IMPDH2: variants seen among roughly 807,000 people sequenced by gnomAD.
The protein encoded by IMPDH2 is inosine monophosphate dehydrogenase 2.
In IMPDH2, 33 loss-of-function variants were observed where a neutral mutation model predicts 57.8. The observed-to-expected ratio is 0.57, with a 90% CI of 0.43 to 0.76. IMPDH2 has a LOEUF of 0.76. Ranked by LOEUF, IMPDH2 falls within the 30% of genes least tolerant of loss-of-function variation. The pLI is 0.00. For missense variants in IMPDH2, 446 were observed against 659.1 expected, an observed-to-expected ratio of 0.68 and a Z score of 3.54; for synonymous variants, 270 against 241.3, an observed-to-expected ratio of 1.12 and a Z score of -1.10.
chr3:49,027,207 G>A (rs1424833297), intron 5 of IMPDH2, among the ~76,000 whole-genome samples, 160 bp from the exon 6 acceptor site: 1 of 152,140 alleles, frequency 6.6e-6, no homozygotes, highest in Admixed American at 6.5e-5. Context: ...TGTTGGCCAG[G>A]CTGGTCTCAA....
chr3:49,028,367 C>T (rs1337630428), intron 3 of IMPDH2, 45 bp from the exon 4 acceptor site: 1 of 1,607,952 alleles, frequency 6.2e-7, no homozygotes, highest in Non-Finnish European at 8.5e-7. Flanking sequence ...AGAAGCAGGA[C>T]TGAATGCCTT....
chr3:49,028,626 G>A (rs1559917588), intron 2 of IMPDH2, 94 bp from the exon 3 acceptor site: 4 of 1,295,560 alleles, frequency 3.1e-6, no homozygotes, highest in Admixed American at 1.7e-5. Flanking sequence ...TGTATGACCT[G>A]CATGCTAACA....
chr3:49,024,872 G>A (rs2106782031), intron 11 of IMPDH2, 24 bp downstream of exon 11: 1 of 1,614,210 alleles, frequency 6.2e-7, no homozygotes, highest in South Asian at 1.1e-5. Flanking sequence ...GATTAGGGTG[G>A]GGTAACTGGC....
chr3:49,028,906 A>G, intron 1 of IMPDH2, 100 bp from the exon 2 acceptor site: 2 of 938,520 alleles, frequency 2.1e-6, no homozygotes, highest in Non-Finnish European at 3.4e-6. Flanking sequence ...ATGTGAGCAG[A>G]GAGTGGCACT....
At position 49,025,210 on chromosome 3, in the gene IMPDH2, G is replaced by A; in HGVS notation, c.1066C>T (p.Arg356Cys). The A allele has an allele frequency of 6.2e-7, 1 of 1,614,214 alleles. No individual in the cohort carries two copies. The highest frequency in any genetic ancestry group is 8.5e-7 in the Non-Finnish European group (1 of 1,180,016). ...AVYKVSEYARRFGVPVIADGG... is the reference protein window; with the variant it reads ...AVYKVSEYARCFGVPVIADGG... ...TCAGCAATGACCGGAACACCAAAGC[G>A]CCGTGCATACTCTGACACCTTGTAC... The change falls in exon 10 of 14, where the codon CGC becomes TGC. Residue 356 changes from arginine (R) to cysteine (C), a missense_variant. Coordinates refer to ENST00000326739, the MANE Select transcript of IMPDH2 (RefSeq NM_000884.3).
At chr3:49,026,244 C>T in intron 9 of IMPDH2, 80 bp downstream of exon 9, 1 of 1,069,752 alleles carries the variant, frequency 9.3e-7, no homozygotes, top group Non-Finnish European at 1.4e-6. Flanking sequence ...GCTCTATTGT[C>T]CCCATAAGAG....
At chr3:49,028,971 C>A (rs938018837) in intron 1 of IMPDH2, 165 bp from the exon 2 acceptor site, 6 of 680,282 alleles carry the variant, frequency 8.8e-6, no homozygotes, top group Admixed American at 2.1e-5. Context: ...TACAGGGGAC[C>A]TTTTCTGCCA....
chr3:49,026,486 CCA>C lies in IMPDH2; in HGVS notation c.910+31_910+32del, dbSNP rs1575309901. ...TGGGAGCCCAGCTTACCCACTCCCACCACACATCCTTCAGGGCACAATCTTGC... is the reference window on the plus strand; with the variant it reads ...TGGGAGCCCAGCTTACCCACTCCCACCACATCCTTCAGGGCACAATCTTGC... On this transcript the variant is annotated intron_variant, in intron 8 of 13. Coordinates refer to ENST00000326739, the MANE Select transcript of IMPDH2 (RefSeq NM_000884.3). 4.4e-6 allele frequency: 7 copies of C among 1,603,576 alleles called. No individual in the cohort carries two copies. The East Asian group carries it at 1.3e-4, about 31-fold the overall frequency.
chr3:49,028,661 C>G, intron 2 of IMPDH2, 97 bp downstream of exon 2: 1 of 1,370,066 alleles, frequency 7.3e-7, no homozygotes, highest in Non-Finnish European at 1.0e-6. Context: ...ATAAAATCCA[C>G]CCCCAAGCCC....
In IMPDH2 at chr3:49,027,059, G is replaced by C; in HGVS notation, c.532-12C>G. On this transcript the variant is annotated splice_polypyrimidine_tract_variant and intron_variant, in intron 5 of 13. Coordinates refer to ENST00000326739, the MANE Select transcript of IMPDH2 (RefSeq NM_000884.3). ...CTCTTTGTCATTATCTACGTGGGAG[G>C]TGAGATGTGAAGAAGGGCCAGTCAT... 6.3e-7 allele frequency: 1 copy of C among 1,594,332 alleles called. No homozygotes were observed. The highest frequency in any genetic ancestry group is 1.3e-5 in the African/African-American group (1 of 74,632).
At chr3:49,025,458 C>G (rs571457838) in intron 9 of IMPDH2, 189 bp from the exon 10 acceptor site, 3 of 631,756 alleles carry the variant, frequency 4.7e-6, no homozygotes, top group Non-Finnish European at 8.4e-6. Flanking sequence ...CTGTGCTGAC[C>G]TCTACTCACC....
Position 49,025,109 on chromosome 3 carries a change from C to A in IMPDH2, c.1150+17G>T. The A allele has an allele frequency of 1.9e-6, 3 of 1,614,216 alleles. No homozygotes were observed. The highest frequency in any genetic ancestry group is 2.5e-6 in the Non-Finnish European group (3 of 1,180,036). On this transcript the variant is annotated intron_variant, in intron 10 of 13. Coordinates refer to ENST00000326739, the MANE Select transcript of IMPDH2 (RefSeq NM_000884.3). ...AGGGAGGGGGTCCCACTGGCCTTCA[C>A]GGGTACTGGGCCTCACCTGTGGAGG...
chr3:49,028,630 G>T, intron 2 of IMPDH2, 98 bp from the exon 3 acceptor site: 2 of 1,298,296 alleles, frequency 1.5e-6, no homozygotes, highest in South Asian at 1.2e-5. Flanking sequence ...TGACCTGCAT[G>T]CTAACAAGCA....
chr3:49,026,034 G>A (rs758302896), intron 9 of IMPDH2: 1 of 531,538 alleles, frequency 1.9e-6, no homozygotes, highest in South Asian at 1.5e-5. Context: ...TTGGGGCTGT[G>A]GGACTTTATG....
Position 49,025,159 on chromosome 3 carries a change from T to C in IMPDH2, c.1117A>G (p.Ile373Val), listed in dbSNP as rs764002692. Residue 373 changes from isoleucine to valine, a missense_variant, in exon 10 of 14, where the codon ATT becomes GTT. By Grantham distance (29) the Ile-to-Val change is conservative. Coordinates refer to ENST00000326739, the MANE Select transcript of IMPDH2 (RefSeq NM_000884.3). ...GCCCCAAGGGCCAAGGCTTTCGCAA[T>C]ATGACCCACATTTTGGATTCCTCCA... ...ADGGIQNVGHIAKALALGAST... is the reference protein window; with the variant it reads ...ADGGIQNVGHVAKALALGAST... The C allele has an allele frequency of 6.2e-7, 1 of 1,614,182 alleles. No individual in the cohort carries two copies. The highest frequency in any genetic ancestry group is 1.1e-5 in the South Asian group (1 of 91,088).
chr3:49,027,737 C>CTCTT lies in IMPDH2; in HGVS notation c.500_503dup (p.Glu169ArgfsTer5). On this transcript the variant is annotated frameshift_variant, in exon 5 of 14. Transcript: ENST00000326739. LOFTEE classifies it high-confidence loss of function. ...CTTCCAAGAAACAGTCATGTTCCTC[C>CTCTT]TCTTTGAGAAAATCAATGTCCCTGG... 1 of 1,614,198 alleles carries CTCTT rather than the reference C, an allele frequency of 6.2e-7. No individual in the cohort carries two copies. The highest frequency in any genetic ancestry group is 1.3e-5 in the African/African-American group (1 of 75,048).
chr3:49,029,152 C>CCCCACG (rs1228337020), intron 1 of IMPDH2, 101 bp downstream of exon 1: 2 of 963,446 alleles, frequency 2.1e-6, no homozygotes, highest in African/African-American at 3.2e-5. Flanking sequence ...GAAACCTGTC[C>CCCCACG]CCCACGCCCA....
intron 1 of IMPDH2, 35 bp from the exon 2 acceptor site, chr3:49,028,841 C>G (rs758152034): frequency 2.0e-5 from 31 of 1,577,124 alleles, no homozygotes; most frequent in Admixed American, 8.4e-5. Context: ...GAGTAAAGCT[C>G]TCAGCTTAGG....
At chr3:49,029,023 G>C in intron 1 of IMPDH2, 1 of 645,922 alleles carries the variant, frequency 1.5e-6, no homozygotes, top group Non-Finnish European at 2.8e-6. Flanking sequence ...ACAATTCCAT[G>C]TGTCTGGAGC....
Sources: gnomAD v4.1 joint callset for allele counts (sites outside exome capture counted in the v4.1 genomes callset) on GRCh38, gnomAD v4.1.1 for gene constraint, MANE v1.5 for transcripts, NCBI Gene and HGNC (gene_info 2026-07-23, HGNC 2026-07-21) for gene names.